GNG12: variants seen among roughly 807,000 people sequenced by gnomAD.
GNG12 encodes the protein guanine nucleotide-binding protein G(I)/G(S)/G(O) subunit gamma-12.
For synonymous variants in GNG12, 28 were observed against 29.7 expected (o/e 0.94, Z 0.19); for missense variants, 69 against 83.8 (o/e 0.82, Z 0.69).
chr1:67,749,523 A>G (rs1351411530), intron 2 of GNG12, among the ~76,000 whole-genome samples: 1 of 152,226 alleles, frequency 6.6e-6, no homozygotes, highest in Non-Finnish European at 1.5e-5. Context: ...ACACGGATTC[A>G]GTGCTTCTCA....
intron 1 of GNG12, among the ~76,000 whole-genome samples, chr1:67,803,685 T>G (rs1646879413): frequency 6.6e-6 from 1 of 152,240 alleles, no homozygotes; most frequent in Non-Finnish European, 1.5e-5. Flanking sequence ...TTTTTAGAGA[T>G]GCTTAGAAAA....
chr1:67,735,233 A>C (rs1646446467), intron 2 of GNG12, among the ~76,000 whole-genome samples: 1 of 152,214 alleles, frequency 6.6e-6, no homozygotes, highest in Non-Finnish European at 1.5e-5. Context: ...TAGTTCACAC[A>C]ATGATAAGCA....
chr1:67,736,049 G>A (rs1382913054), intron 2 of GNG12, among the ~76,000 whole-genome samples: 2 of 152,078 alleles, frequency 1.3e-5, no homozygotes. Flanking sequence ...TTTCTTGCGG[G>A]GGGTAGATTC....
intron 2 of GNG12, among the ~76,000 whole-genome samples, chr1:67,713,782 T>C (rs1646309704): frequency 1.3e-5 from 2 of 152,210 alleles, no homozygotes; most frequent in South Asian, 4.1e-4. Context: ...GCAGACCTCA[T>C]AGGGTTGTCA....
chr1:67,807,431 A>G (rs1420541823), intron 1 of GNG12, among the ~76,000 whole-genome samples: 2 of 151,896 alleles, frequency 1.3e-5, no homozygotes, highest in African/African-American at 2.4e-5. Context: ...TATACAAAGA[A>G]AAATAAAATA....
In GNG12 at chr1:67,703,095, T is replaced by C. The variant is rs1357686264; in HGVS notation, c.*2356A>G. 1.3e-5 allele frequency: 2 copies of C among 152,194 alleles called. No homozygotes were observed. The highest frequency in any genetic ancestry group is 2.4e-5 in the African/African-American group (1 of 41,456). The allele number at this position is 152,194 out of a possible 1,614,324, so 9.4% of individuals were successfully genotyped here. A position where few individuals can be genotyped will look rare whatever the true frequency, so the allele number is the denominator to read the frequency against. Reference sequence around the variant, plus strand: ...ACGTCTAGTTATAAGTAAATCAACATTTAGCTACAACTTTTCCTCTCTTGG... The same window carrying C: ...ACGTCTAGTTATAAGTAAATCAACACTTAGCTACAACTTTTCCTCTCTTGG... On this transcript the variant is annotated 3_prime_UTR_variant, in exon 4 of 4. Transcript: ENST00000370982.
chr1:67,710,180 T>TTA (rs1389438011), intron 2 of GNG12, among the ~76,000 whole-genome samples: 27 of 24,462 alleles, frequency 1.1e-3, no homozygotes, highest in Non-Finnish European at 1.5e-3. Flanking sequence ...ATATATATAG[T>TTA]TATATATATA....
At chr1:67,728,617 G>A (rs557986486) in intron 2 of GNG12, among the ~76,000 whole-genome samples, 9 of 152,178 alleles carry the variant, frequency 5.9e-5, no homozygotes, top group Admixed American at 2.0e-4. Context: ...TCTAGTGCCT[G>A]ACAGAAATAT....
intron 2 of GNG12, among the ~76,000 whole-genome samples, chr1:67,722,377 CAACA>C (rs1215878977): frequency 3.9e-5 from 6 of 152,268 alleles, no homozygotes; most frequent in Non-Finnish European, 5.9e-5. Context: ...TGGGCTTCAC[CAACA>C]AACAATGAAT....
chr1:67,786,648 T>G (rs1218659934), intron 1 of GNG12, among the ~76,000 whole-genome samples: 1 of 152,064 alleles, frequency 6.6e-6, no homozygotes, highest in Non-Finnish European at 1.5e-5. Context: ...CTGGGCCAGA[T>G]GCAGTAGCTC....
At chr1:67,787,184 CAG>C (rs1646776046) in intron 1 of GNG12, among the ~76,000 whole-genome samples, 3 of 151,808 alleles carry the variant, frequency 2.0e-5, no homozygotes, top group Admixed American at 6.6e-5. Context: ...TCTGAGAACA[CAG>C]GGGACACTTA....
chr1:67,800,790 C>G (rs975479819), intron 1 of GNG12, among the ~76,000 whole-genome samples: 1 of 152,106 alleles, frequency 6.6e-6, no homozygotes, highest in South Asian at 2.1e-4. Context: ...AATGTCAACA[C>G]AATGAAAACG....
intron 1 of GNG12, among the ~76,000 whole-genome samples, chr1:67,790,923 T>C (rs1054658031): frequency 5.9e-5 from 9 of 152,204 alleles, no homozygotes; most frequent in African/African-American, 2.2e-4. Flanking sequence ...CCATACTTTA[T>C]TCCTATATGT....
chr1:67,815,183 G>A (rs914951563), intron 1 of GNG12, among the ~76,000 whole-genome samples: 1 of 152,164 alleles, frequency 6.6e-6, no homozygotes, highest in Non-Finnish European at 1.5e-5. Context: ...TTGTATCCAG[G>A]AAATCAAGGC....
At position 67,833,345 on chromosome 1, in the gene GNG12, C is replaced by A. The variant is rs1037833059; in HGVS notation, c.-78G>T. On this transcript the variant is annotated splice_region_variant and 5_prime_UTR_variant, in exon 1 of 4. Coordinates refer to ENST00000370982, the MANE Select transcript of GNG12 (RefSeq NM_018841.6). Reference sequence around the variant, plus strand: ...CCGCGCCCGCCGCTTGGTACTCACCCGCCTGCCGGTGCGCTGCCCCGCCGT... The same window carrying A: ...CCGCGCCCGCCGCTTGGTACTCACCAGCCTGCCGGTGCGCTGCCCCGCCGT... 1 of 981,334 alleles carries A rather than the reference C, an allele frequency of 1.0e-6. No individual in the cohort carries two copies. Among genetic ancestry groups the A allele is most frequent in the South Asian group, 4.6e-5 (1 of 21,730 alleles). 60.8% of individuals were successfully genotyped at this position (981,334 alleles called of 1,614,324 possible).
chr1:67,707,545 CAG>C (rs1646256747), intron 3 of GNG12, 47 bp downstream of exon 3: 1 of 969,508 alleles, frequency 1.0e-6, no homozygotes, highest in Non-Finnish European at 1.6e-6. Flanking sequence ...CCACAAGGAA[CAG>C]GGGGAACTGA....
At chr1:67,764,074 T>A (rs1646622083) in intron 2 of GNG12, among the ~76,000 whole-genome samples, 1 of 152,202 alleles carries the variant, frequency 6.6e-6, no homozygotes, top group Non-Finnish European at 1.5e-5. Flanking sequence ...CTCCTTCACA[T>A]TCACTCAGTA....
chr1:67,739,990 G>A (rs191655928), intron 2 of GNG12, among the ~76,000 whole-genome samples: 22 of 152,044 alleles, frequency 1.4e-4, no homozygotes, highest in Non-Finnish European at 1.6e-4. Flanking sequence ...ATTATTTAAC[G>A]AAAAATTAAA....
rs373777130 is a variant in GNG12 at position 67,765,742 on chromosome 1, C to T, written c.-27+11716G>A. Among the ~76,000 whole-genome samples, 12 of 152,248 alleles carry T rather than the reference C, an allele frequency of 7.9e-5. No homozygotes were observed. In the South Asian group the frequency reaches 1.7e-3, roughly 21 times the overall value. On this transcript the variant is annotated intron_variant, in intron 2 of 3. Transcript: ENST00000370982. ...TTGTTAGTAGCAGGTGTAAATGAAA[C>T]GATGCGAATAAACTAGCAGGACTAA...
Sources: allele counts gnomAD v4.1 joint callset (sites outside exome capture counted in the v4.1 genomes callset), GRCh38; gene constraint gnomAD v4.1.1; transcripts MANE v1.5; gene names NCBI Gene and HGNC (gene_info 2026-07-23, HGNC 2026-07-21).